Variants in CHODL observed in about 807,000 individuals in gnomAD.
CHODL encodes transmembrane protein MT75.
In CHODL, 29 loss-of-function variants were observed where a neutral mutation model predicts 34.5. The observed-to-expected ratio is 0.84, with a 90% CI of 0.63 to 1.15. CHODL has a LOEUF of 1.15. Ranked by LOEUF, CHODL falls within the 50% of genes most tolerant of loss-of-function variation. The pLI is 0.00. For synonymous variants in CHODL, 125 were observed against 116.1 expected (o/e 1.08, Z -0.49); for missense variants, 332 against 332.5 (o/e 1.00, Z 0.01).
chr21:18,245,514 T>A (rs2074129346), intron 1 of CHODL, among the ~76,000 whole-genome samples: 1 of 152,192 alleles, frequency 6.6e-6, no homozygotes, highest in Non-Finnish European at 1.5e-5. Context: ...TGTGAAGCGC[T>A]TGCTTACGTA....
At chr21:18,201,456 T>C (rs77940201) in intron 2 of CHODL, among the ~76,000 whole-genome samples, 25,547 of 151,932 alleles carry the variant, frequency 0.17, 2,745 homozygotes, top group African/African-American at 0.3. Context: ...TTGGTGTTAA[T>C]TTAATAACAA....
intron 1 of CHODL, among the ~76,000 whole-genome samples, chr21:17,950,544 A>G (rs2063448864): frequency 6.9e-6 from 1 of 145,202 alleles, no homozygotes; most frequent in Non-Finnish European, 1.5e-5. Flanking sequence ...ACTTCTTTAA[A>G]GCCATCTAAG....
intron 2 of CHODL, among the ~76,000 whole-genome samples, chr21:18,215,515 C>G (rs916639815): frequency 1.7e-4 from 26 of 151,978 alleles, no homozygotes; most frequent in Non-Finnish European, 1.6e-4. Flanking sequence ...CCTTGACTCC[C>G]AGGTATGTTG....
intron 2 of CHODL, among the ~76,000 whole-genome samples, chr21:18,165,572 G>A (rs1359976466): frequency 2.0e-5 from 3 of 152,126 alleles, no homozygotes; most frequent in Admixed American, 2.0e-4. Flanking sequence ...TAAAACTCTG[G>A]ACAATGGGCT....
At chr21:18,215,199 GAA>G (rs76175429) in intron 2 of CHODL, among the ~76,000 whole-genome samples, 4 of 138,970 alleles carry the variant, frequency 2.9e-5, no homozygotes, top group East Asian at 4.2e-4. Flanking sequence ...TCTCAAACAT[GAA>G]AAAAAAAAAA....
intron 2 of CHODL, among the ~76,000 whole-genome samples, chr21:18,238,971 A>G (rs981658747): frequency 2.0e-5 from 3 of 152,048 alleles, no homozygotes; most frequent in Non-Finnish European, 4.4e-5. Context: ...GTTCTTTAAC[A>G]CTCTAGAAAA....
At chr21:17,926,992 A>G (rs1010855409) in intron 1 of CHODL, among the ~76,000 whole-genome samples, 1 of 150,922 alleles carries the variant, frequency 6.6e-6, no homozygotes, top group Non-Finnish European at 1.5e-5. Context: ...ACACACACAC[A>G]CGCACACACA....
chr21:18,264,199 C>T (rs921134596), intron 5 of CHODL, among the ~76,000 whole-genome samples: 3 of 151,894 alleles, frequency 2.0e-5, no homozygotes, highest in Non-Finnish European at 4.4e-5. Context: ...GATGGGGAGA[C>T]GCCTGTGAGG....
chr21:17,942,787 T>C (rs1213508181), intron 1 of CHODL, among the ~76,000 whole-genome samples: 3 of 152,174 alleles, frequency 2.0e-5, no homozygotes, highest in Non-Finnish European at 4.4e-5. Flanking sequence ...TTTGGCTCCA[T>C]GTCCCCACCC....
intron 2 of CHODL, among the ~76,000 whole-genome samples, chr21:18,081,976 A>T (rs1798667555): frequency 6.6e-6 from 1 of 152,156 alleles, no homozygotes; most frequent in Non-Finnish European, 1.5e-5. Context: ...GCATATGTTT[A>T]ACCATCCGTA....
intron 2 of CHODL, among the ~76,000 whole-genome samples, chr21:18,196,461 A>G (rs553855259): frequency 6.6e-6 from 1 of 152,314 alleles, no homozygotes; most frequent in South Asian, 2.1e-4. Flanking sequence ...GCATTGCTAT[A>G]GCATTGCTGT....
chr21:18,240,758 T>C (rs555690460), upstream of CHODL, among the ~76,000 whole-genome samples: 1 of 152,282 alleles, frequency 6.6e-6, no homozygotes, highest in East Asian at 1.9e-4. Context: ...TTAATTGAGT[T>C]GATAGTTAAA....
chr21:18,236,721 A>G (rs892297883), intron 2 of CHODL, among the ~76,000 whole-genome samples: 7 of 152,148 alleles, frequency 4.6e-5, no homozygotes, highest in African/African-American at 1.4e-4. Context: ...TTAAATCTCA[A>G]TAATTTTGAC....
chr21:18,181,517 C>T (rs1369736870), intron 2 of CHODL, among the ~76,000 whole-genome samples: 1 of 152,194 alleles, frequency 6.6e-6, no homozygotes, highest in Non-Finnish European at 1.5e-5. Flanking sequence ...ATTCTCCTGC[C>T]TCAGCCTCCC....
chr21:17,937,022 C>T (rs533865557), intron 1 of CHODL, among the ~76,000 whole-genome samples: 4 of 145,690 alleles, frequency 2.7e-5, no homozygotes, highest in Non-Finnish European at 5.9e-5. Flanking sequence ...TGCAGTGAGC[C>T]GAGATCCTGA....
At chr21:17,966,622 A>G (rs2063573888) in intron 1 of CHODL, among the ~76,000 whole-genome samples, 1 of 152,178 alleles carries the variant, frequency 6.6e-6, no homozygotes, top group Non-Finnish European at 1.5e-5. Flanking sequence ...TGCTTTGCTC[A>G]GTTGTTTTCA....
At chr21:18,112,706 A>G (rs1460699135) in intron 2 of CHODL, among the ~76,000 whole-genome samples, 2 of 152,224 alleles carry the variant, frequency 1.3e-5, no homozygotes, top group African/African-American at 4.8e-5. Context: ...AAAACTGGAT[A>G]TCCATAGGCA....
intron 1 of CHODL, among the ~76,000 whole-genome samples, chr21:17,919,993 C>A (rs1346864687): frequency 6.6e-6 from 1 of 152,186 alleles, no homozygotes; most frequent in Non-Finnish European, 1.5e-5. Flanking sequence ...GCAAGTTCCT[C>A]ATCTCCATCT....
chr21:17,979,978 G>T (rs1374521873), intron 1 of CHODL, among the ~76,000 whole-genome samples: 2 of 151,932 alleles, frequency 1.3e-5, no homozygotes, highest in African/African-American at 4.8e-5. Flanking sequence ...ATTCCATGAG[G>T]TTTCTTTTCC....
Sources: gnomAD v4.1 joint callset for allele counts (sites outside exome capture counted in the v4.1 genomes callset) on GRCh38, gnomAD v4.1.1 for gene constraint, MANE v1.5 for transcripts, NCBI Gene and HGNC (gene_info 2026-07-23, HGNC 2026-07-21) for gene names.